Variants in CCDC7 observed in about 807,000 individuals in gnomAD.
CCDC7 encodes the protein coiled-coil domain-containing protein 7.
A neutral mutation model predicts 196.9 loss-of-function variants in CCDC7; 183 were observed. The observed-to-expected ratio is 0.93, with a 90% confidence interval of 0.82 to 1.05. The LOEUF (loss-of-function observed/expected upper bound fraction) is 1.05. Among genes scored for constraint, CCDC7 ranks in the 50% least tolerant of loss-of-function variants. The probability of loss-of-function intolerance (pLI) is 0.00; values close to 1 mark genes in which losing one functional copy is unlikely to be tolerated. For missense variants in CCDC7, 1,540 were observed against 1,482.2 expected (o/e 1.04, Z -0.64); for synonymous variants, 525 against 484.6 (o/e 1.08, Z -1.10).
intron 41 of CCDC7, among the ~76,000 whole-genome samples, chr10:32,861,043 A>G (rs1000728470): frequency 1.3e-5 from 2 of 151,454 alleles, no homozygotes; most frequent in African/African-American, 4.8e-5. Flanking sequence ...CTTTCTTCAC[A>G]GAATTGTAAA....
intron 29 of CCDC7, among the ~76,000 whole-genome samples, chr10:32,784,658 G>A (rs1206221599): frequency 3.3e-5 from 5 of 151,596 alleles, no homozygotes; most frequent in South Asian, 2.1e-4. Flanking sequence ...TGCAACCTTC[G>A]CCTCCCGGAT....
chr10:32,676,556 G>A (rs187555578), intron 21 of CCDC7, among the ~76,000 whole-genome samples: 10 of 152,186 alleles, frequency 6.6e-5, no homozygotes, highest in East Asian at 1.9e-4. Flanking sequence ...AAATGTGGGC[G>A]AAGGACATGA....
chr10:32,798,823 G>C (rs1157242603), intron 29 of CCDC7, among the ~76,000 whole-genome samples: 2 of 152,200 alleles, frequency 1.3e-5, no homozygotes, highest in African/African-American at 4.8e-5. Flanking sequence ...TGCTGTAGCT[G>C]TCCACTGTTG....
At chr10:32,819,780 A>G (rs931385809) in intron 31 of CCDC7, among the ~76,000 whole-genome samples, 3 of 152,206 alleles carry the variant, frequency 2.0e-5, no homozygotes, top group African/African-American at 7.2e-5. Context: ...TCATGCTAAA[A>G]ACTCTCAATA....
intron 36 of CCDC7, 139 bp from the exon 38 acceptor site, chr10:32,846,237 A>G: frequency 1.6e-6 from 1 of 630,156 alleles, no homozygotes; most frequent in Non-Finnish European, 2.8e-6. Flanking sequence ...TGTTATTATT[A>G]CATAGGTACC....
intron 13 of CCDC7, among the ~76,000 whole-genome samples, chr10:32,551,975 TG>T (rs2053558342): frequency 6.6e-6 from 1 of 152,218 alleles, no homozygotes; most frequent in South Asian, 2.1e-4. Flanking sequence ...CTTGATGGCC[TG>T]TCTTGTACTG....
intron 25 of CCDC7, among the ~76,000 whole-genome samples, chr10:32,723,081 C>T (rs1450203977): frequency 6.6e-6 from 1 of 152,016 alleles, no homozygotes; most frequent in Non-Finnish European, 1.5e-5. Context: ...CTTCGTAGAC[C>T]CTAGCAGACC....
intron 18 of CCDC7, among the ~76,000 whole-genome samples, chr10:32,600,707 A>G (rs1354073704): frequency 2.0e-5 from 3 of 152,198 alleles, no homozygotes; most frequent in African/African-American, 7.2e-5. Context: ...GTGCAAAATT[A>G]TTTCTTATTA....
At position 32,736,899 on chromosome 10, in the gene CCDC7, G is replaced by A. The variant is rs149285410; in HGVS notation, c.2905+7442G>A. 6.9e-3 allele frequency among the ~76,000 whole-genome samples: 1,055 copies of A among 152,080 alleles called. 13 individuals are homozygous for A. Among genetic ancestry groups the A allele is most frequent in the African/African-American group, 0.024 (1,007 of 41,500 alleles). On this transcript the variant is annotated intron_variant, in intron 28 of 41. Coordinates refer to ENST00000639629, the Ensembl canonical transcript of CCDC7. ...TAGTTAGGACTTCCAGTACAATGTA[G>A]AATACATGTGGTGAGAAATGATGTC...
chr10:32,720,834 A>G lies in CCDC7; in HGVS notation c.2570-5900A>G, dbSNP rs1180435014. On this transcript the variant is annotated intron_variant, in intron 25 of 41. Transcript: ENST00000639629. Reference sequence around the variant, plus strand: ...TTCAGGAATTTTGGTTTATGATTGTATAATCCCAGCACTTTGGGAGACCGA... The same window carrying G: ...TTCAGGAATTTTGGTTTATGATTGTGTAATCCCAGCACTTTGGGAGACCGA... Among the ~76,000 whole-genome samples the G allele has an allele frequency of 3.9e-5, 6 of 152,232 alleles. No individual in the cohort carries two copies. In the East Asian group the frequency reaches 9.7e-4, roughly 25 times the overall value.
rs1588904093 is a variant in CCDC7 at position 32,470,958 on chromosome 10, A to G, written c.511-106A>G. On this transcript the variant is annotated intron_variant, in intron 5 of 41. Transcript: ENST00000639629. ...ACTTGGCTATAGCTATAGATAAGAA[A>G]AATATAAAAATTACTTTGATTTAAT... 9 of 1,141,588 alleles carry G rather than the reference A, an allele frequency of 7.9e-6. No individual in the cohort carries two copies. The East Asian group carries it at 2.5e-4, about 31-fold the overall frequency. The allele number at this position is 1,141,588 out of a possible 1,614,324, so 70.7% of individuals were successfully genotyped here. A position where few individuals can be genotyped will look rare whatever the true frequency, so the allele number is the denominator to read the frequency against.
intron 25 of CCDC7, among the ~76,000 whole-genome samples, chr10:32,723,236 C>A (rs12219175): frequency 0.087 from 13,293 of 152,058 alleles, 849 homozygotes; most frequent in East Asian, 0.33. Flanking sequence ...GGAGAGAGTG[C>A]GTGATTACCA....
At chr10:32,660,214 C>T (rs561847328) in intron 20 of CCDC7, among the ~76,000 whole-genome samples, 2,486 of 145,422 alleles carry the variant, frequency 0.017, 74 homozygotes, top group African/African-American at 0.059. Context: ...CATGCTGGTG[C>T]GCTGCACCCA....
chr10:32,699,659 C>T (rs1233972344), intron 24 of CCDC7, among the ~76,000 whole-genome samples: 2 of 149,444 alleles, frequency 1.3e-5, no homozygotes, highest in African/African-American at 5.2e-5. Context: ...AACTAGTTTA[C>T]AGTCCCACCA....
chr10:32,846,716 T>C (rs1174328087), intron 37 of CCDC7, among the ~76,000 whole-genome samples: 2 of 152,312 alleles, frequency 1.3e-5, no homozygotes, highest in Non-Finnish European at 2.9e-5. Context: ...AGTCTCAATG[T>C]AGGCATTTCC....
chr10:32,702,287 C>T (rs139191678), intron 24 of CCDC7, among the ~76,000 whole-genome samples: 8,050 of 152,142 alleles, frequency 0.053, 702 homozygotes, highest in African/African-American at 0.18. Flanking sequence ...ACCTAGTAGT[C>T]ATTCAGGAGT....
At chr10:32,679,981 A>T (rs1308631516) in intron 21 of CCDC7, among the ~76,000 whole-genome samples, 3 of 152,202 alleles carry the variant, frequency 2.0e-5, no homozygotes, top group Admixed American at 6.6e-5. Context: ...TATTATGTTT[A>T]CAATGTCAGA....
intron 18 of CCDC7, among the ~76,000 whole-genome samples, chr10:32,630,917 A>G (rs1216430935): frequency 6.6e-6 from 1 of 152,150 alleles, no homozygotes; most frequent in African/African-American, 2.4e-5. Context: ...ATTCATTTTC[A>G]TTAATAGAAT....
chr10:32,512,554 C>G (rs760257993), intron 9 of CCDC7: 9 of 152,062 alleles, frequency 5.9e-5, no homozygotes, highest in Non-Finnish European at 1.0e-4. Context: ...TCTGAATTCA[C>G]ATCATTTAAA....
Sources: allele counts gnomAD v4.1 joint callset (sites outside exome capture counted in the v4.1 genomes callset), GRCh38; gene constraint gnomAD v4.1.1; transcripts MANE v1.5; gene names NCBI Gene and HGNC (gene_info 2026-07-23, HGNC 2026-07-21).